ANKRD30B: variants seen among roughly 807,000 people sequenced by gnomAD.
ANKRD30B encodes the protein ankyrin repeat domain 30B, also known as ankyrin repeat domain-containing protein 30B.
ANKRD30B carries 144 observed loss-of-function variants against 202.2 expected under a neutral mutation model. The observed-to-expected ratio is 0.71, with a 90% CI of 0.62 to 0.82. The LOEUF is 0.82. Among genes scored for constraint, ANKRD30B ranks in the 40% least tolerant of loss-of-function variants. The pLI is 0.00. For missense variants in ANKRD30B, 1,487 were observed against 1,669.1 expected, an observed-to-expected ratio of 0.89 and a Z score of 1.90; for synonymous variants, 508 against 561.3, an observed-to-expected ratio of 0.91 and a Z score of 1.34.
the ANKRD30B span, among the ~76,000 whole-genome samples, chr18:14,882,076 T>C: frequency 1.3e-5 from 2 of 152,236 alleles, no homozygotes; most frequent in African/African-American, 4.8e-5. Flanking sequence ...ATTTATGTTT[T>C]GTATTTGTTG....
At position 14,852,069 on chromosome 18, in the gene ANKRD30B, A is replaced by T; in HGVS notation, c.4125A>T (p.Glu1375Asp). Residue 1375 changes from glutamate (E) to aspartate (D), a missense_variant, in exon 42 of 44, where the codon GAA (glutamate) becomes GAT (aspartate). Physicochemically the swap from Glu to Asp is conservative, Grantham distance 45. This residue lies in a region of ANKRD30B where 182 missense variants were observed against 216.0 expected (regional missense o/e 0.84). Coordinates refer to ENST00000690538, the MANE Select transcript of ANKRD30B (RefSeq NM_001367607.2). ...ATTATGCAGGAGATGATCTAAGAGA[A>T]AATGCATTGGTTTCAGAACATGCAC... Reference protein sequence around the residue: ...NLNYAGDDLRENALVSEHAQR... With the variant: ...NLNYAGDDLRDNALVSEHAQR... The T allele has an allele frequency of 6.2e-7, 1 of 1,609,846 alleles. No homozygotes were observed. The highest frequency in any genetic ancestry group is 8.5e-7 in the Non-Finnish European group (1 of 1,177,492).
chr18:14,749,243 A>T (rs999431742), intron 1 of ANKRD30B, among the ~76,000 whole-genome samples: 1 of 152,264 alleles, frequency 6.6e-6, no homozygotes, highest in Non-Finnish European at 1.5e-5. Flanking sequence ...CCAGTTTTAC[A>T]TAAACCAAAT....
At chr18:14,899,430 ATTCT>A in the ANKRD30B span, among the ~76,000 whole-genome samples, 1 of 152,164 alleles carries the variant, frequency 6.6e-6, no homozygotes, top group Non-Finnish European at 1.5e-5. Context: ...AATCATTAAA[ATTCT>A]TTCTATGCTT....
the ANKRD30B span, among the ~76,000 whole-genome samples, chr18:14,896,075 T>G: frequency 6.6e-6 from 1 of 152,124 alleles, no homozygotes; most frequent in Non-Finnish European, 1.5e-5. Context: ...ATGCTAGATA[T>G]TTATAATGGA....
chr18:14,915,460 G>C, the ANKRD30B span: 1 of 152,176 alleles, frequency 6.6e-6, no homozygotes. Flanking sequence ...GACCTTCTGG[G>C]GTTATCTTAT....
At chr18:14,762,289 T>C (rs956544404) in intron 6 of ANKRD30B, among the ~76,000 whole-genome samples, 3 of 152,208 alleles carry the variant, frequency 2.0e-5, no homozygotes, top group Non-Finnish European at 4.4e-5. Context: ...ACAAAGTGAC[T>C]TGTGTCACTA....
intron 4 of ANKRD30B, among the ~76,000 whole-genome samples, chr18:14,756,100 C>A (rs1436054596): frequency 1.3e-5 from 2 of 152,190 alleles, no homozygotes; most frequent in Non-Finnish European, 2.9e-5. Flanking sequence ...GCCATTCTAA[C>A]TAGTGTGAGA....
At chr18:14,827,028 T>C (rs1970699475) in intron 32 of ANKRD30B, among the ~76,000 whole-genome samples, 1 of 152,126 alleles carries the variant, frequency 6.6e-6, no homozygotes, top group Admixed American at 6.5e-5. Flanking sequence ...ATAATGCCTA[T>C]GTGATGAGAT....
chr18:14,908,234 G>A, the ANKRD30B span, among the ~76,000 whole-genome samples: 1 of 152,100 alleles, frequency 6.6e-6, no homozygotes, highest in Non-Finnish European at 1.5e-5. Flanking sequence ...ACCATTAAAG[G>A]TGTCAGACTC....
chr18:14,838,180 G>C (rs28729072), intron 36 of ANKRD30B, among the ~76,000 whole-genome samples: 6,564 of 152,308 alleles, frequency 0.043, 471 homozygotes, highest in African/African-American at 0.15. Flanking sequence ...GGCTTAGAAG[G>C]CATTAGGAAT....
At chr18:14,888,685 C>T in the ANKRD30B span, 189 of 559,194 alleles carry the variant, frequency 3.4e-4, 1 homozygote, top group Middle Eastern at 1.0e-3. Flanking sequence ...GGAACTGGTT[C>T]TTTATATACC....
intron 3 of ANKRD30B, among the ~76,000 whole-genome samples, chr18:14,753,275 T>G (rs549739130): frequency 3.4e-4 from 52 of 152,322 alleles, no homozygotes; most frequent in African/African-American, 1.1e-3. Context: ...CCCAAGGTTT[T>G]TTTTTCTTTC....
chr18:14,787,498 C>G (rs1291766915), intron 15 of ANKRD30B, among the ~76,000 whole-genome samples: 2 of 152,080 alleles, frequency 1.3e-5, no homozygotes, highest in Non-Finnish European at 2.9e-5. Flanking sequence ...CTTTAAACTA[C>G]AGTATTGCAA....
At chr18:14,875,351 G>A in the ANKRD30B span, among the ~76,000 whole-genome samples, 3 of 152,152 alleles carry the variant, frequency 2.0e-5, no homozygotes, top group East Asian at 1.9e-4. Context: ...AGTTCAGAGC[G>A]GTCCTGGAAG....
the ANKRD30B span, among the ~76,000 whole-genome samples, chr18:14,938,705 G>A: frequency 2.1e-4 from 32 of 152,206 alleles, 1 homozygote; most frequent in East Asian, 5.6e-3. Flanking sequence ...ATGGGGAGTC[G>A]GGCTAAAGGG....
chr18:14,849,591 A>T (rs1971799315), intron 40 of ANKRD30B, among the ~76,000 whole-genome samples: 1 of 151,710 alleles, frequency 6.6e-6, no homozygotes, highest in Non-Finnish European at 1.5e-5. Flanking sequence ...GTCTTTAATT[A>T]AATATTTATA....
At chr18:14,757,766 C>T (rs1219559193) in intron 4 of ANKRD30B, 49 bp from the exon 5 acceptor site, 17 of 1,583,192 alleles carry the variant, frequency 1.1e-5, no homozygotes, top group Non-Finnish European at 1.5e-5. Flanking sequence ...CTGATAGGCA[C>T]ATATTAAATT....
the ANKRD30B span, among the ~76,000 whole-genome samples, chr18:14,940,280 C>T: frequency 7.2e-5 from 11 of 152,272 alleles, no homozygotes; most frequent in Non-Finnish European, 1.5e-4. Flanking sequence ...CAAAGCTTGC[C>T]TAGAGTTTCT....
the ANKRD30B span, among the ~76,000 whole-genome samples, chr18:14,911,733 A>G: frequency 2.0e-5 from 3 of 152,152 alleles, no homozygotes; most frequent in South Asian, 6.2e-4. Context: ...CACTTTAACA[A>G]TATTAATTCT....
Sources: gnomAD v4.1 joint callset for allele counts (sites outside exome capture counted in the v4.1 genomes callset) on GRCh38, gnomAD v4.1.1 for gene constraint, gnomAD v4.1.1 regional missense constraint, MANE v1.5 for transcripts, NCBI Gene and HGNC (gene_info 2026-07-23, HGNC 2026-07-21) for gene names.